Variants in ABAT observed in about 807,000 individuals in gnomAD.
The protein encoded by ABAT is 4-aminobutyrate aminotransferase.
A neutral mutation model predicts 64.6 loss-of-function variants in ABAT; 45 were observed. The observed-to-expected ratio is 0.70, with a 90% confidence interval of 0.55 to 0.89. The LOEUF (loss-of-function observed/expected upper bound fraction) is 0.89. ABAT is among the 40% of genes least tolerant of loss of function. ABAT has a pLI of 0.00. For synonymous variants in ABAT, 297 were observed against 250.5 expected, an observed-to-expected ratio of 1.19 and a Z score of -1.75; for missense variants, 633 against 658.4, an observed-to-expected ratio of 0.96 and a Z score of 0.42.
At chr16:8,754,179 T>TAAAAAAAAAAAAAAAAAAAAAAA (rs750745519) in intron 5 of ABAT, among the ~76,000 whole-genome samples, 1 of 63,822 alleles carries the variant, frequency 1.6e-5, no homozygotes, top group African/African-American at 5.5e-5. Context: ...ACCCTGTCTA[T>TAAAAAAAAAAAAAAAAAAAAAAA]AAAAAAAAAA....
intron 1 of ABAT, among the ~76,000 whole-genome samples, chr16:8,725,497 A>G (rs577218953): frequency 1.4e-4 from 21 of 152,256 alleles, no homozygotes; most frequent in Non-Finnish European, 2.5e-4. Context: ...ATTCATTCAT[A>G]TAGCATAAAA....
At position 8,783,432 on chromosome 16, in the gene ABAT, G is replaced by C. The variant is rs1262605439; in HGVS notation, c.*2002G>C. 6.6e-6 allele frequency: 1 copy of C among 152,166 alleles called. No individual in the cohort carries two copies. Among genetic ancestry groups the C allele is most frequent in the Non-Finnish European group, 1.5e-5 (1 of 68,032 alleles). The allele number at this position is 152,166 out of a possible 1,614,324, so 9.4% of individuals were successfully genotyped here. A position where few individuals can be genotyped will look rare whatever the true frequency, so the allele number is the denominator to read the frequency against. On this transcript the variant is annotated 3_prime_UTR_variant, in exon 16 of 16. Transcript: ENST00000268251. The stretch of plus-strand genomic sequence containing the variant: ...CACCATTCACCCAAGGGTCAGAGGA[G>C]GTTTCAAAGAAAAGGTGTCATTGGA...
chr16:8,757,933 A>C lies in ABAT; in HGVS notation c.366+127A>C. ...TTCCATAAATATGTATTGAGCCCAT[A>C]CTATGTGCCAGGTATGTGGCATGCC... On this transcript the variant is annotated intron_variant, in intron 6 of 15. Transcript: ENST00000268251. 3 of 1,100,996 alleles carry C rather than the reference A, an allele frequency of 2.7e-6. No homozygotes were observed. The South Asian group carries it at 4.0e-5, about 14-fold the overall frequency. 68.2% of individuals were successfully genotyped at this position (1,100,996 alleles called of 1,614,324 possible).
Position 8,716,296 on chromosome 16 carries a change from C to CT in ABAT, c.-41-19395dup, listed in dbSNP as rs571644519. Among the ~76,000 whole-genome samples the CT allele has an allele frequency of 2.3e-3, 355 of 151,864 alleles. 1 individual carries two copies. The highest frequency in any genetic ancestry group is 3.7e-3 in the South Asian group (18 of 4,812). Reference sequence around the variant, plus strand: ...CTCTCTGTGATCTGTTTCCTTTTTTCTTTTTTTTGCTACGAGTGGATAATT... The same window carrying CT: ...CTCTCTGTGATCTGTTTCCTTTTTTCTTTTTTTTTGCTACGAGTGGATAATT... On this transcript the variant is annotated intron_variant, in intron 1 of 15. Transcript: ENST00000268251.
intron 4 of ABAT, 151 bp downstream of exon 4, chr16:8,748,288 C>G: frequency 6.0e-6 from 4 of 668,178 alleles, no homozygotes; most frequent in Non-Finnish European, 9.8e-6. Context: ...GTGATTTCTT[C>G]TTTGACCCAT....
At chr16:8,727,454 T>G (rs1025987194) in intron 1 of ABAT, among the ~76,000 whole-genome samples, 1 of 152,162 alleles carries the variant, frequency 6.6e-6, no homozygotes, top group African/African-American at 2.4e-5. Context: ...CGCCTAACTT[T>G]TGAAGATGCA....
At position 8,784,046 on chromosome 16, in the gene ABAT, A is replaced by C. The variant is rs2060494680; in HGVS notation, c.*2616A>C. On this transcript the variant is annotated 3_prime_UTR_variant, in exon 16 of 16. Transcript: ENST00000268251. Reference sequence around the variant, plus strand: ...TTCTCAGCAGAGCTCAAGATTGTAGAAACTCAGCAGAAGCTGGTAAAAACA... The same window carrying C: ...TTCTCAGCAGAGCTCAAGATTGTAGCAACTCAGCAGAAGCTGGTAAAAACA... 6.6e-6 allele frequency: 1 copy of C among 152,374 alleles called. No individual in the cohort carries two copies. Among genetic ancestry groups the C allele is most frequent in the African/African-American group, 2.4e-5 (1 of 41,468 alleles). The allele number at this position is 152,374 out of a possible 1,614,324, so 9.4% of individuals were successfully genotyped here. A position where few individuals can be genotyped will look rare whatever the true frequency, so the allele number is the denominator to read the frequency against.
chr16:8,707,311 C>A (rs2057968944), intron 1 of ABAT, among the ~76,000 whole-genome samples: 1 of 150,602 alleles, frequency 6.6e-6, no homozygotes, highest in Non-Finnish European at 1.5e-5. Flanking sequence ...CTCAGCCTAC[C>A]TTGTAGCTGG....
intron 1 of ABAT, among the ~76,000 whole-genome samples, chr16:8,723,241 A>C (rs2058426672): frequency 6.6e-6 from 1 of 152,208 alleles, no homozygotes; most frequent in African/African-American, 2.4e-5. Flanking sequence ...TCTCAAAAAA[A>C]TAAAGAGAGG....
intron 1 of ABAT, among the ~76,000 whole-genome samples, chr16:8,677,296 C>T (rs886167610): frequency 2.0e-5 from 3 of 152,184 alleles, no homozygotes; most frequent in African/African-American, 7.2e-5. Flanking sequence ...ACTTGTAACC[C>T]TTGCCGTAGA....
rs2178371 is a variant in ABAT, at chr16:8,703,380, C to T, written c.-42+28669C>T. ...CTGAGGCAGGAGAATAGCTTGAACC[C>T]GGAAGGCGGAGGTTGCAGTGAACCA... On this transcript the variant is annotated intron_variant, in intron 1 of 15. Coordinates refer to ENST00000268251, the MANE Select transcript of ABAT (RefSeq NM_020686.6). Among the ~76,000 whole-genome samples the T allele has an allele frequency of 9.1e-3, 1,375 of 151,916 alleles. 25 individuals carry two copies. The highest frequency in any genetic ancestry group is 0.03 in the African/African-American group (1,256 of 41,436).
chr16:8,761,071 G>A (rs1256636252), intron 6 of ABAT, among the ~76,000 whole-genome samples: 9 of 90,472 alleles, frequency 9.9e-5, no homozygotes, highest in Admixed American at 5.7e-4. Flanking sequence ...GCGAGACCTT[G>A]CCTCTGAAAC....
chr16:8,772,566 G>C (rs536396111), intron 11 of ABAT, among the ~76,000 whole-genome samples: 7 of 152,334 alleles, frequency 4.6e-5, no homozygotes, highest in South Asian at 2.1e-4. Context: ...CAATTTATTA[G>C]TTTGTATCCA....
chr16:8,722,622 G>A (rs1037936579), intron 1 of ABAT: 1 of 347,508 alleles, frequency 2.9e-6, no homozygotes, highest in East Asian at 8.1e-5. Context: ...GGGGGTCTCA[G>A]AGACCAGGAG....
chr16:8,739,907 G>C (rs1345394598), intron 2 of ABAT, among the ~76,000 whole-genome samples: 1 of 151,178 alleles, frequency 6.6e-6, no homozygotes, highest in Non-Finnish European at 1.5e-5. Flanking sequence ...TTGACTTATT[G>C]ATTTGGGATA....
At chr16:8,720,276 G>C (rs1055600986) in intron 1 of ABAT, among the ~76,000 whole-genome samples, 16 of 152,200 alleles carry the variant, frequency 1.1e-4, no homozygotes, top group African/African-American at 3.9e-4. Flanking sequence ...CAGAAACTAA[G>C]GCACTGATGA....
At chr16:8,683,789 T>C (rs1236110256) in intron 1 of ABAT, among the ~76,000 whole-genome samples, 1 of 152,196 alleles carries the variant, frequency 6.6e-6, no homozygotes, top group Non-Finnish European at 1.5e-5. Context: ...CTGGTATCTA[T>C]AGTATTGAAC....
intron 1 of ABAT, among the ~76,000 whole-genome samples, chr16:8,688,310 A>G (rs937885783): frequency 1.3e-5 from 2 of 152,146 alleles, no homozygotes; most frequent in Non-Finnish European, 2.9e-5. Context: ...TTCTTCACCA[A>G]GGTCACAGAG....
At chr16:8,713,882 A>G (rs1567280887) in intron 1 of ABAT, 4 of 456,132 alleles carry the variant, frequency 8.8e-6, no homozygotes, top group South Asian at 6.2e-5. Flanking sequence ...GCAAATGTGT[A>G]TGTGTGTCTC....
Sources: allele counts gnomAD v4.1 joint callset (sites outside exome capture counted in the v4.1 genomes callset), GRCh38; gene constraint gnomAD v4.1.1; transcripts MANE v1.5; gene names NCBI Gene and HGNC (gene_info 2026-07-23, HGNC 2026-07-21).